The following SHISA9 variants were observed in gnomAD, a reference collection of about 807,000 sequenced individuals.
SHISA9 encodes protein shisa-9.
In SHISA9, 13 loss-of-function variants were observed where a neutral mutation model predicts 38.0. That is an observed-to-expected ratio of 0.34 (90% CI 0.22 to 0.54). The LOEUF (loss-of-function observed/expected upper bound fraction) is 0.54, where lower values mean the gene tolerates loss of function less well. Ranked by LOEUF, SHISA9 falls within the 20% of genes least tolerant of loss-of-function variation. The pLI, the probability that SHISA9 is intolerant of heterozygous loss-of-function variation, is 0.91. For missense variants in SHISA9, 538 were observed against 575.8 expected (o/e 0.93, Z 0.67); for synonymous variants, 275 against 242.0 (o/e 1.14, Z -1.27).
the SHISA9 span, among the ~76,000 whole-genome samples, chr16:13,383,786 A>G: frequency 6.6e-6 from 1 of 152,090 alleles, no homozygotes; most frequent in Non-Finnish European, 1.5e-5. Flanking sequence ...AGTAGCTGGG[A>G]CCATAGGCGC....
At chr16:13,091,183 G>A (rs1374759431) in intron 2 of SHISA9, among the ~76,000 whole-genome samples, 2 of 151,122 alleles carry the variant, frequency 1.3e-5, no homozygotes, top group African/African-American at 4.8e-5. Context: ...TAGTCTGATG[G>A]GCTTCCCTTT....
At chr16:13,146,482 TC>T in intron 2 of SHISA9, among the ~76,000 whole-genome samples, 1 of 152,166 alleles carries the variant, frequency 6.6e-6, no homozygotes, top group Non-Finnish European at 1.5e-5. Context: ...AAATGGGGTA[TC>T]CATCACCTCA....
At chr16:13,545,619 C>T in the SHISA9 span, among the ~76,000 whole-genome samples, 1 of 152,166 alleles carries the variant, frequency 6.6e-6, no homozygotes, top group Admixed American at 6.5e-5. Context: ...AAATAGTTCC[C>T]TCTCTCTTCC....
chr16:13,114,419 T>C (rs1229744825), intron 2 of SHISA9, among the ~76,000 whole-genome samples: 1 of 145,442 alleles, frequency 6.9e-6, no homozygotes, highest in African/African-American at 2.6e-5. Flanking sequence ...TGAGACGAGA[T>C]TGCACCACTG....
the SHISA9 span, among the ~76,000 whole-genome samples, chr16:13,530,602 G>A: frequency 5.0e-4 from 76 of 151,504 alleles, no homozygotes; most frequent in African/African-American, 1.7e-3. Flanking sequence ...TTTTTGTGCC[G>A]TTACTGGGAT....
the SHISA9 span, among the ~76,000 whole-genome samples, chr16:13,552,748 T>TA: frequency 2.9e-3 from 436 of 152,238 alleles, 3 homozygotes; most frequent in African/African-American, 9.7e-3. Flanking sequence ...AAACAGTTTT[T>TA]TTTTAAGTGA....
At chr16:12,976,812 C>A (rs562662397) in intron 2 of SHISA9, among the ~76,000 whole-genome samples, 8 of 152,068 alleles carry the variant, frequency 5.3e-5, no homozygotes, top group African/African-American at 1.7e-4. Context: ...TGGAATGTCA[C>A]CCCAAGCAGA....
Position 13,236,077 on chromosome 16 carries a change from C to G in SHISA9, c.*668C>G, listed in dbSNP as rs1338906416. ...ATGTTGAAAGCAAAAAACAACACAC[C>G]CTCAAACTCACAGAAAGTAAATAGA... On this transcript the variant is annotated 3_prime_UTR_variant, in exon 5 of 5. Coordinates refer to ENST00000558583, the MANE Select transcript of SHISA9 (RefSeq NM_001145204.3). 1 of 151,788 alleles carries G rather than the reference C, an allele frequency of 6.6e-6. No individual in the cohort carries two copies. Among genetic ancestry groups the G allele is most frequent in the Non-Finnish European group, 1.5e-5 (1 of 68,018 alleles). The allele number at this position is 151,788 out of a possible 1,614,324, so 9.4% of individuals were successfully genotyped here.
At chr16:13,230,589 G>C (rs1226846581) in intron 4 of SHISA9, among the ~76,000 whole-genome samples, 3 of 152,092 alleles carry the variant, frequency 2.0e-5, no homozygotes, top group African/African-American at 7.2e-5. Flanking sequence ...CTGGGTTCAG[G>C]CATGGCCACC....
chr16:13,392,603 C>T, the SHISA9 span, among the ~76,000 whole-genome samples: 1 of 152,076 alleles, frequency 6.6e-6, no homozygotes, highest in African/African-American at 2.4e-5. Flanking sequence ...AACCTAGGCT[C>T]ACAATGATGT....
chr16:13,022,009 C>T (rs1387543852), intron 2 of SHISA9, among the ~76,000 whole-genome samples: 6 of 152,154 alleles, frequency 3.9e-5, no homozygotes, highest in African/African-American at 7.2e-5. Flanking sequence ...TCTGAGGTCT[C>T]GAGAGAGAAT....
At chr16:13,056,598 A>C (rs536252867) in intron 2 of SHISA9, among the ~76,000 whole-genome samples, 11 of 152,168 alleles carry the variant, frequency 7.2e-5, no homozygotes, top group Non-Finnish European at 1.5e-4. Context: ...TCTGGGCCAG[A>C]TTGTCTGAGT....
chr16:13,257,680 C>T, the SHISA9 span, among the ~76,000 whole-genome samples: 1 of 152,164 alleles, frequency 6.6e-6, no homozygotes, highest in South Asian at 2.1e-4. Context: ...GCAGGTGTTG[C>T]CATGGCTATA....
chr16:13,287,168 C>A, the SHISA9 span, among the ~76,000 whole-genome samples: 1 of 152,046 alleles, frequency 6.6e-6, no homozygotes, highest in Non-Finnish European at 1.5e-5. Flanking sequence ...ACATGATCTA[C>A]GCTATCACAT....
intron 2 of SHISA9, among the ~76,000 whole-genome samples, chr16:13,146,195 A>G (rs2050446092): frequency 1.3e-5 from 2 of 152,346 alleles, no homozygotes; most frequent in East Asian, 3.9e-4. Context: ...CTCCGTCTCA[A>G]TGAAAATAAA....
At chr16:13,049,062 A>T (rs942455233) in intron 2 of SHISA9, among the ~76,000 whole-genome samples, 15 of 152,120 alleles carry the variant, frequency 9.9e-5, no homozygotes, top group African/African-American at 3.6e-4. Context: ...ACTTAAAAAA[A>T]TTTGCTTTGT....
chr16:13,522,300 TGTTG>T, the SHISA9 span, among the ~76,000 whole-genome samples: 1 of 152,226 alleles, frequency 6.6e-6, no homozygotes, highest in Non-Finnish European at 1.5e-5. Context: ...GCTGGAAGCC[TGTTG>T]GGAGACCTTT....
At chr16:13,179,270 C>T (rs1276736346) in intron 2 of SHISA9, among the ~76,000 whole-genome samples, 7 of 152,162 alleles carry the variant, frequency 4.6e-5, no homozygotes, top group Non-Finnish European at 8.8e-5. Context: ...TGAGATCACA[C>T]CACTGCACCC....
downstream of SHISA9, among the ~76,000 whole-genome samples, chr16:13,244,181 T>A (rs2051455682): frequency 6.6e-6 from 1 of 152,220 alleles, no homozygotes; most frequent in African/African-American, 2.4e-5. Flanking sequence ...ATAATGACTT[T>A]AAATGCATAA....
Sources: allele counts gnomAD v4.1 joint callset (sites outside exome capture counted in the v4.1 genomes callset), GRCh38; gene constraint gnomAD v4.1.1; transcripts MANE v1.5; gene names NCBI Gene and HGNC (gene_info 2026-07-23, HGNC 2026-07-21).